RBFOX1: variants seen among roughly 807,000 people sequenced by gnomAD.
RBFOX1 encodes the protein RNA binding protein fox-1 homolog 1.
A neutral mutation model predicts 57.7 loss-of-function variants in RBFOX1; 8 were observed. That is an observed-to-expected ratio of 0.14 (90% CI 0.08 to 0.25). The LOEUF is 0.25. RBFOX1 is among the 10% of genes least tolerant of loss of function. The probability of loss-of-function intolerance (pLI) is 1.00; values close to 1 mark genes in which losing one functional copy is unlikely to be tolerated. For missense variants in RBFOX1, 611 were observed against 548.5 expected, an observed-to-expected ratio of 1.11 and a Z score of -1.14; for synonymous variants, 326 against 222.4, an observed-to-expected ratio of 1.47 and a Z score of -4.15.
chr16:7,365,635 G>A (rs2097428374), intron 4 of RBFOX1, among the ~76,000 whole-genome samples: 1 of 152,198 alleles, frequency 6.6e-6, no homozygotes, highest in East Asian at 1.9e-4. Flanking sequence ...CTGATTTACA[G>A]CATCATCTTT....
chr16:7,409,064 C>T (rs142059360), intron 4 of RBFOX1, among the ~76,000 whole-genome samples: 2 of 152,298 alleles, frequency 1.3e-5, no homozygotes, highest in East Asian at 1.9e-4. Context: ...GACGAGATTG[C>T]CTTGAACTCC....
At chr16:6,030,341 G>T (rs1484689387) in intron 1 of RBFOX1, among the ~76,000 whole-genome samples, 3 of 152,118 alleles carry the variant, frequency 2.0e-5, no homozygotes, top group Admixed American at 2.0e-4. Context: ...ACTTCTAAGT[G>T]GAATACCTGT....
intron 3 of RBFOX1, among the ~76,000 whole-genome samples, chr16:5,793,776 T>C (rs573576221): frequency 7.2e-6 from 1 of 139,282 alleles, no homozygotes; most frequent in South Asian, 2.1e-4. Flanking sequence ...CATGTGTGTA[T>C]GTGCATGTGC....
intron 1 of RBFOX1, among the ~76,000 whole-genome samples, chr16:5,345,096 A>G (rs2065112452): frequency 6.6e-6 from 1 of 152,050 alleles, no homozygotes. Flanking sequence ...GCCCATCGTG[A>G]AGACATCGTT....
In RBFOX1 at chr16:7,008,659, TCCTCCCTCCCTCCC is replaced by T. The variant is rs1568347956; in HGVS notation, c.-15-43397_-15-43384del. The stretch of plus-strand genomic sequence containing the variant: ...CTCCCTCCCTTCCTTCCTCCTCCCT[TCCTCCCTCCCTCCC>T]TTCCTCCTCCCTTCCTCCCTCCCTC... On this transcript the variant is annotated intron_variant, in intron 3 of 15. Coordinates refer to ENST00000550418, the MANE Select transcript of RBFOX1 (RefSeq NM_018723.4). 1.6e-3 allele frequency among the ~76,000 whole-genome samples: 21 copies of T among 13,122 alleles called. 3 individuals carry two copies. Among genetic ancestry groups the T allele is most frequent in the African/African-American group, 9.7e-3 (21 of 2,156 alleles). 8.6% of individuals were successfully genotyped at this position (13,122 alleles called of 152,430 possible).
chr16:6,148,579 G>A (rs1040865975), intron 1 of RBFOX1, among the ~76,000 whole-genome samples: 3 of 152,072 alleles, frequency 2.0e-5, no homozygotes, highest in Admixed American at 1.3e-4. Flanking sequence ...CATGTTCCTG[G>A]CACCTAGGTA....
chr16:7,357,492 G>A (rs920740186), intron 4 of RBFOX1, among the ~76,000 whole-genome samples: 1 of 152,096 alleles, frequency 6.6e-6, no homozygotes, highest in Non-Finnish European at 1.5e-5. Context: ...CCCTACAACT[G>A]TCCTGCTTAC....
chr16:6,125,433 T>C (rs555017344), intron 1 of RBFOX1, among the ~76,000 whole-genome samples: 1 of 152,324 alleles, frequency 6.6e-6, no homozygotes, highest in Admixed American at 6.5e-5. Flanking sequence ...TTGTCTGCTT[T>C]GGGTACATGG....
At chr16:5,343,473 C>T (rs11862665) in intron 1 of RBFOX1, among the ~76,000 whole-genome samples, 9,337 of 59,758 alleles carry the variant, frequency 0.16, 943 homozygotes, top group African/African-American at 0.34. Context: ...CACCACCACA[C>T]CAGGCTAATT....
chr16:5,279,207 C>A (rs1852671), intron 1 of RBFOX1, among the ~76,000 whole-genome samples: 1 of 151,638 alleles, frequency 6.6e-6, no homozygotes, highest in Non-Finnish European at 1.5e-5. Context: ...TTATTCTAAC[C>A]CACGAGCATG....
At chr16:5,570,354 A>T (rs1416512203) in intron 2 of RBFOX1, among the ~76,000 whole-genome samples, 1 of 152,134 alleles carries the variant, frequency 6.6e-6, no homozygotes, top group Non-Finnish European at 1.5e-5. Context: ...CAATAACCCT[A>T]TAAGGGTTGT....
At chr16:6,186,679 G>T (rs1043510580) in intron 1 of RBFOX1, among the ~76,000 whole-genome samples, 1 of 152,146 alleles carries the variant, frequency 6.6e-6, no homozygotes, top group Non-Finnish European at 1.5e-5. Flanking sequence ...CTGAAGTCAG[G>T]AAACAAGATG....
intron 3 of RBFOX1, among the ~76,000 whole-genome samples, chr16:6,762,647 G>C (rs9302830): frequency 0.89 from 134,740 of 152,180 alleles, 60,027 homozygotes; most frequent in Middle Eastern, 0.94. Flanking sequence ...AGTCCTGGTA[G>C]AAGAACTCCA....
intron 1 of RBFOX1, among the ~76,000 whole-genome samples, chr16:5,264,864 G>A (rs1352959919): frequency 2.6e-5 from 4 of 152,092 alleles, no homozygotes; most frequent in Admixed American, 1.3e-4. Flanking sequence ...AGTTTGATGG[G>A]AAACAGAGCA....
chr16:6,399,519 A>C (rs146625573), intron 2 of RBFOX1, among the ~76,000 whole-genome samples: 1 of 152,234 alleles, frequency 6.6e-6, no homozygotes, highest in African/African-American at 2.4e-5. Context: ...AGACCACCTC[A>C]GCCAGGACTT....
chr16:7,670,378 A>G (rs2071000271), intron 13 of RBFOX1, among the ~76,000 whole-genome samples: 1 of 152,210 alleles, frequency 6.6e-6, no homozygotes. Flanking sequence ...ATTTGTCCAA[A>G]AATCTTCAGA....
intron 3 of RBFOX1, among the ~76,000 whole-genome samples, chr16:6,881,295 T>C (rs1376686128): frequency 5.9e-5 from 9 of 152,146 alleles, no homozygotes. Context: ...GTAAAACCTA[T>C]CGTTGACAAT....
intron 3 of RBFOX1, among the ~76,000 whole-genome samples, chr16:6,957,171 A>T (rs947570296): frequency 3.6e-5 from 5 of 138,668 alleles, no homozygotes; most frequent in Non-Finnish European, 6.3e-5. Context: ...TTGCTCTGTC[A>T]CCCAGGCTGC....
intron 3 of RBFOX1, among the ~76,000 whole-genome samples, chr16:6,960,464 T>C (rs1183603613): frequency 6.6e-6 from 1 of 152,152 alleles, no homozygotes. Flanking sequence ...CTCCCAGTTC[T>C]CGTGTATGTT....
Sources: allele counts gnomAD v4.1 joint callset (sites outside exome capture counted in the v4.1 genomes callset), GRCh38; gene constraint gnomAD v4.1.1; transcripts MANE v1.5; gene names NCBI Gene and HGNC (gene_info 2026-07-23, HGNC 2026-07-21).